The following CYP2B6 variants were observed in gnomAD, a reference collection of about 807,000 sequenced individuals.
The protein encoded by CYP2B6 is cytochrome P450 family 2 subfamily B member 6, also known as cytochrome P450 2B6.
In CYP2B6, 35 loss-of-function variants were observed where a neutral mutation model predicts 43.4. The ratio of observed to expected loss-of-function variants is 0.81; its 90% confidence interval spans 0.62 to 1.07. CYP2B6 has a LOEUF of 1.07. Ranked by LOEUF, CYP2B6 falls within the 50% of genes least tolerant of loss-of-function variation. The pLI, the probability that CYP2B6 is intolerant of heterozygous loss-of-function variation, is 0.00. For synonymous variants in CYP2B6, 239 were observed against 239.2 expected, an observed-to-expected ratio of 1.00 and a Z score of 0.01; for missense variants, 624 against 632.8, an observed-to-expected ratio of 0.99 and a Z score of 0.15.
intron 1 of CYP2B6, among the ~76,000 whole-genome samples, chr19:40,996,401 T>C (rs926838358): frequency 6.6e-6 from 1 of 152,172 alleles, no homozygotes; most frequent in African/African-American, 2.4e-5. Context: ...CATTTTCTAA[T>C]AACCTTTTAT....
In CYP2B6 at chr19:40,991,481, G is replaced by C; in HGVS notation, c.171+5G>C. ...CTACTCAAATCCTTTCTGAGGGTAA[G>C]ACACAGACGAATGGGGTCTGAGGGT... On this transcript the variant is annotated splice_donor_5th_base_variant and intron_variant, in intron 1 of 8. Transcript: ENST00000324071. The C allele has an allele frequency of 6.2e-7, 1 of 1,613,482 alleles. No homozygotes were observed.
chr19:41,011,730 G>C (rs1969287502), intron 6 of CYP2B6, among the ~76,000 whole-genome samples: 1 of 151,924 alleles, frequency 6.6e-6, no homozygotes, highest in African/African-American at 2.4e-5. Context: ...ATGCAAAATC[G>C]TGGTGTGTGT....
At chr19:41,006,194 C>T (rs566526708) in intron 3 of CYP2B6, among the ~76,000 whole-genome samples, 198 of 152,106 alleles carry the variant, frequency 1.3e-3, no homozygotes, top group African/African-American at 4.6e-3. Flanking sequence ...CACTCTGTAC[C>T]CAGGCTGGAG....
At chr19:40,994,329 G>A (rs1315291498) in intron 1 of CYP2B6, among the ~76,000 whole-genome samples, 5 of 152,098 alleles carry the variant, frequency 3.3e-5, no homozygotes, top group African/African-American at 4.8e-5. Context: ...GGCACTCGTG[G>A]TGTTGGAAAA....
At chr19:41,011,543 T>C (rs1278687592) in intron 6 of CYP2B6, among the ~76,000 whole-genome samples, 4 of 152,228 alleles carry the variant, frequency 2.6e-5, no homozygotes, top group African/African-American at 9.6e-5. Flanking sequence ...TTGATTGATG[T>C]TTTTATCCAG....
At chr19:40,998,275 G>T (rs1451577542) in intron 1 of CYP2B6, among the ~76,000 whole-genome samples, 1 of 152,074 alleles carries the variant, frequency 6.6e-6, no homozygotes, top group East Asian at 1.9e-4. Context: ...AACAGAATTT[G>T]CTGTTCCTTC....
At chr19:41,010,213 G>A in intron 6 of CYP2B6, 78 bp downstream of exon 6, 1 of 1,547,436 alleles carries the variant, frequency 6.5e-7, no homozygotes, top group Non-Finnish European at 8.9e-7. Flanking sequence ...GGTACCACCT[G>A]GATGAGAGAG....
chr19:40,992,865 G>T (rs1968942820), intron 1 of CYP2B6, among the ~76,000 whole-genome samples: 1 of 152,002 alleles, frequency 6.6e-6, no homozygotes, highest in African/African-American at 2.4e-5. Flanking sequence ...TGTTATGATG[G>T]CTCTCAGGAG....
chr19:41,015,841 C>A (rs3786551), intron 8 of CYP2B6, among the ~76,000 whole-genome samples: 197 of 139,878 alleles, frequency 1.4e-3, no homozygotes, highest in African/African-American at 4.8e-3. Context: ...AAACCTTAAG[C>A]CTCCTTAGCA....
chr19:41,000,897 G>GT (rs1969073480), intron 1 of CYP2B6, among the ~76,000 whole-genome samples: 1 of 152,020 alleles, frequency 6.6e-6, no homozygotes, highest in Admixed American at 6.5e-5. Context: ...AAACTAGCTG[G>GT]GCATGGTGGC....
chr19:41,014,658 A>G (rs1249510307), intron 8 of CYP2B6, among the ~76,000 whole-genome samples: 4 of 152,132 alleles, frequency 2.6e-5, no homozygotes, highest in Admixed American at 2.0e-4. Context: ...ACAGAGACAG[A>G]TAAGTAACAA....
At chr19:40,998,580 C>T (rs990157210) in intron 1 of CYP2B6, among the ~76,000 whole-genome samples, 29 of 124,776 alleles carry the variant, frequency 2.3e-4, no homozygotes, top group Non-Finnish European at 1.2e-4. Context: ...CCCCTCCCCC[C>T]ACCCCACAAC....
intron 1 of CYP2B6, among the ~76,000 whole-genome samples, chr19:40,996,309 A>T (rs1262525939): frequency 2.6e-5 from 4 of 152,174 alleles, no homozygotes; most frequent in Non-Finnish European, 5.9e-5. Context: ...TCAATACCTT[A>T]TTTAACTGTT....
At position 41,017,108 on chromosome 19, in the gene CYP2B6, T is replaced by A; in HGVS notation, c.*281T>A. 2 of 236,936 alleles carry A rather than the reference T, an allele frequency of 8.4e-6. No individual in the cohort carries two copies. Among genetic ancestry groups the A allele is most frequent in the Non-Finnish European group, 1.7e-5 (2 of 118,760 alleles). 14.7% of individuals were successfully genotyped at this position (236,936 alleles called of 1,614,324 possible). ...CCCAGGCTGGAGTGCAGTGGCGTGA[T>A]CTCGGCTCACTGCAACCTCCACCCC... On this transcript the variant is annotated 3_prime_UTR_variant, in exon 9 of 9. Coordinates refer to ENST00000324071, the MANE Select transcript of CYP2B6 (RefSeq NM_000767.5).
At chr19:41,015,938 T>A (rs1233536986) in intron 8 of CYP2B6, among the ~76,000 whole-genome samples, 1 of 151,988 alleles carries the variant, frequency 6.6e-6, no homozygotes, top group African/African-American at 2.4e-5. Flanking sequence ...TCTCCCCATA[T>A]GAGAAGTGAA....
intron 1 of CYP2B6, among the ~76,000 whole-genome samples, chr19:40,994,437 G>C (rs1968969713): frequency 1.3e-5 from 2 of 152,046 alleles, no homozygotes; most frequent in South Asian, 4.1e-4. Flanking sequence ...ACTTTTTTGT[G>C]GTCTTTTTCT....
intron 8 of CYP2B6, 25 bp downstream of exon 8, chr19:41,012,840 C>T (rs756253302): frequency 3.7e-6 from 6 of 1,613,592 alleles, no homozygotes; most frequent in African/African-American, 2.7e-5. Context: ...CAATTTCTTT[C>T]CCAGACACCA....
At chr19:41,004,225 T>C (rs1488316951) in intron 2 of CYP2B6, 62 bp downstream of exon 2, 5 of 1,611,980 alleles carry the variant, frequency 3.1e-6, no homozygotes, top group African/African-American at 1.3e-5. Flanking sequence ...AGGGAGTATA[T>C]GGGAGGAAGA....
intron 1 of CYP2B6, among the ~76,000 whole-genome samples, chr19:40,992,588 G>A (rs35149696): frequency 6.6e-6 from 1 of 152,002 alleles, no homozygotes; most frequent in African/African-American, 2.4e-5. Flanking sequence ...GCATGATCAC[G>A]TCTCACTGCA....
Sources: gnomAD v4.1 joint callset for allele counts (sites outside exome capture counted in the v4.1 genomes callset) on GRCh38, gnomAD v4.1.1 for gene constraint, MANE v1.5 for transcripts, NCBI Gene and HGNC (gene_info 2026-07-23, HGNC 2026-07-21) for gene names.